CCDC126: variants seen among roughly 807,000 people sequenced by gnomAD.
CCDC126 encodes the protein coiled-coil domain-containing protein 126.
Under a neutral mutation model 11.7 loss-of-function variants are expected in CCDC126, and 5 were observed. The ratio of observed to expected loss-of-function variants is 0.43; its 90% CI spans 0.22 to 0.90. The LOEUF (loss-of-function observed/expected upper bound fraction) is 0.90. Ranked by LOEUF, CCDC126 falls within the 40% of genes least tolerant of loss-of-function variation. The probability of loss-of-function intolerance (pLI) is 0.27; values close to 1 mark genes in which losing one functional copy is unlikely to be tolerated. For missense variants in CCDC126, 150 were observed against 163.1 expected (o/e 0.92, Z 0.44); for synonymous variants, 60 against 61.9 (o/e 0.97, Z 0.14).
chr7:23,640,389 C>T (rs1157679366), intron 3 of CCDC126, among the ~76,000 whole-genome samples: 2 of 151,574 alleles, frequency 1.3e-5, no homozygotes, highest in Non-Finnish European at 2.9e-5. Context: ...CCCAGCTACT[C>T]GGGAGACTGA....
chr7:23,613,928 A>G (rs1249152661), intron 3 of CCDC126, among the ~76,000 whole-genome samples: 1 of 152,226 alleles, frequency 6.6e-6, no homozygotes, highest in Non-Finnish European at 1.5e-5. Context: ...AAAATACTTT[A>G]TTGCTAAAAT....
At chr7:23,626,851 C>T (rs1783024169) in intron 3 of CCDC126, among the ~76,000 whole-genome samples, 1 of 152,150 alleles carries the variant, frequency 6.6e-6, no homozygotes, top group South Asian at 2.1e-4. Flanking sequence ...CAGATTAATT[C>T]AACTTTATAA....
intron 2 of CCDC126, chr7:23,598,310 A>G (rs1244521016): frequency 6.6e-6 from 1 of 152,256 alleles, no homozygotes; most frequent in East Asian, 1.9e-4. Context: ...TTCATTAGCT[A>G]TGACTGAAGT....
intron 3 of CCDC126, among the ~76,000 whole-genome samples, chr7:23,612,526 A>T (rs1782734567): frequency 6.7e-6 from 1 of 149,420 alleles, no homozygotes; most frequent in Non-Finnish European, 1.5e-5. Flanking sequence ...AAAAAAAATT[A>T]GCCAGGCATG....
At chr7:23,642,736 C>G (rs1195179279) in intron 3 of CCDC126, among the ~76,000 whole-genome samples, 195 bp from the exon 4 acceptor site, 1 of 151,200 alleles carries the variant, frequency 6.6e-6, no homozygotes, top group Admixed American at 6.6e-5. Flanking sequence ...GCACTCCAGC[C>G]TGGGAGACAG....
chr7:23,634,609 G>A (rs1050082710), intron 3 of CCDC126, among the ~76,000 whole-genome samples: 1 of 152,188 alleles, frequency 6.6e-6, no homozygotes, highest in Non-Finnish European at 1.5e-5. Flanking sequence ...ATTTCTCAAG[G>A]AAGAGTGAGC....
chr7:23,629,660 GAAGTGAAAAAT>G (rs1783073141), intron 3 of CCDC126, among the ~76,000 whole-genome samples: 1 of 151,892 alleles, frequency 6.6e-6, no homozygotes, highest in South Asian at 2.1e-4. Context: ...GGAAATGTTA[GAAGTGAAAAAT>G]ACAATTAAAT....
chr7:23,609,317 G>A (rs1264673136), intron 2 of CCDC126, among the ~76,000 whole-genome samples: 1 of 151,936 alleles, frequency 6.6e-6, no homozygotes, highest in Non-Finnish European at 1.5e-5. Context: ...CCTAGTAGCT[G>A]GGATTACAAG....
intron 3 of CCDC126, among the ~76,000 whole-genome samples, chr7:23,640,327 A>G (rs9770130): frequency 0.19 from 27,970 of 151,086 alleles, 2,960 homozygotes; most frequent in Non-Finnish European, 0.25. Flanking sequence ...GAGAAACCCC[A>G]CATCTACTAA....
intron 3 of CCDC126, among the ~76,000 whole-genome samples, chr7:23,628,495 G>GA (rs1462650628): frequency 6.6e-6 from 1 of 152,188 alleles, no homozygotes; most frequent in East Asian, 1.9e-4. Flanking sequence ...AAACATCACA[G>GA]AAAAAAACTG....
At chr7:23,603,670 A>G (rs1782577000) in intron 2 of CCDC126, among the ~76,000 whole-genome samples, 1 of 152,184 alleles carries the variant, frequency 6.6e-6, no homozygotes, top group African/African-American at 2.4e-5. Flanking sequence ...CAGTCTAGAA[A>G]AGGATAATTG....
In CCDC126 at chr7:23,618,707, C is replaced by T. The variant is rs929064015; in HGVS notation, c.238+7154C>T. On this transcript the variant is annotated intron_variant, in intron 3 of 3. Coordinates refer to ENST00000307471, the MANE Select transcript of CCDC126 (RefSeq NM_138771.4). ...CTGGGACTACAGGCATGCACCACCG[C>T]GCCCAGCTAATTTTTATGTTTTTTA... Among the ~76,000 whole-genome samples the T allele has an allele frequency of 6.6e-5, 10 of 151,698 alleles. 1 individual carries two copies. Among genetic ancestry groups the T allele is most frequent in the South Asian group, 6.3e-4 (3 of 4,780 alleles).
At chr7:23,638,077 G>C (rs1298003091) in intron 3 of CCDC126, among the ~76,000 whole-genome samples, 1 of 127,342 alleles carries the variant, frequency 7.9e-6, no homozygotes. Context: ...CAGCCGCCCC[G>C]TCCGGGAGGG....
In CCDC126 at chr7:23,611,304, G is replaced by C. The variant is rs1782706207; in HGVS notation, c.-12G>C. 2 of 1,526,208 alleles carry C rather than the reference G, an allele frequency of 1.3e-6. No individual in the cohort carries two copies. The highest frequency in any genetic ancestry group is 2.3e-5 in the South Asian group (2 of 88,212). 94.5% of individuals were successfully genotyped at this position (1,526,208 alleles called of 1,614,324 possible). A position where few individuals can be genotyped will look rare whatever the true frequency, so the allele number is the denominator to read the frequency against. ...ATTTTTCAGTCAAGTCTGTTTGTTT[G>C]CTTCTTCAGAAATGTTTTTTACAAT... On this transcript the variant is annotated 5_prime_UTR_variant, in exon 3 of 4. Transcript: ENST00000307471.
In CCDC126 at chr7:23,611,235, CTT is replaced by C; in HGVS notation, c.-72_-71del. 2 of 748,732 alleles carry C rather than the reference CTT, an allele frequency of 2.7e-6. No individual in the cohort carries two copies. The highest frequency in any genetic ancestry group is 2.8e-5 in the East Asian group (1 of 35,978). 46.4% of individuals were successfully genotyped at this position (748,732 alleles called of 1,614,324 possible). ...TATACAATATTGAGGATATTTTTTT[CTT>C]TTTTTTTTCAAGTCTTGATTTGTGG... is the stretch of plus-strand genomic sequence containing the variant. On this transcript the variant is annotated 5_prime_UTR_variant, in exon 3 of 4. Transcript: ENST00000307471.
chr7:23,606,279 C>T (rs909972579), intron 2 of CCDC126, among the ~76,000 whole-genome samples: 8 of 152,002 alleles, frequency 5.3e-5, no homozygotes, highest in African/African-American at 1.2e-4. Context: ...AGGATGGTCT[C>T]GATCTCCTGA....
Position 23,643,200 on chromosome 7 carries a change from G to A in CCDC126, c.*85G>A, listed in dbSNP as rs896097039. The A allele has an allele frequency of 1.7e-6, 2 of 1,144,630 alleles. No homozygotes were observed. Among genetic ancestry groups the A allele is most frequent in the African/African-American group, 3.1e-5 (2 of 63,504 alleles). The allele number at this position is 1,144,630 out of a possible 1,614,324, so 70.9% of individuals were successfully genotyped here. ...GCTTTATAATTGCTGGCTTAGGACAGAGCAATACTTTACAATAAAAGCTCT... is the reference window on the plus strand; with the variant it reads ...GCTTTATAATTGCTGGCTTAGGACAAAGCAATACTTTACAATAAAAGCTCT... On this transcript the variant is annotated 3_prime_UTR_variant, in exon 4 of 4. Transcript: ENST00000307471.
chr7:23,605,101 A>C (rs1237674303), intron 2 of CCDC126, among the ~76,000 whole-genome samples: 1 of 152,154 alleles, frequency 6.6e-6, no homozygotes, highest in Non-Finnish European at 1.5e-5. Flanking sequence ...ATGACATTTG[A>C]ACTAAGTACT....
chr7:23,638,055 C>A (rs28412813), intron 3 of CCDC126, among the ~76,000 whole-genome samples: 7 of 128,130 alleles, frequency 5.5e-5, no homozygotes, highest in African/African-American at 2.1e-4. Flanking sequence ...GTGAGGAGCC[C>A]CTCTGCCTGG....
Sources: allele counts gnomAD v4.1 joint callset (sites outside exome capture counted in the v4.1 genomes callset), GRCh38; gene constraint gnomAD v4.1.1; transcripts MANE v1.5; gene names NCBI Gene and HGNC (gene_info 2026-07-23, HGNC 2026-07-21).